Variants in TMEM132B observed in about 807,000 individuals in gnomAD.
TMEM132B encodes transmembrane protein 132B.
Under a neutral mutation model 90.8 loss-of-function variants are expected in TMEM132B, and 18 were observed. That is an observed-to-expected ratio of 0.20 (90% CI 0.14 to 0.29). TMEM132B has a LOEUF of 0.29. TMEM132B is among the 10% of genes least tolerant of loss of function. TMEM132B has a pLI of 1.00. For missense variants in TMEM132B, 1,096 were observed against 1,326.8 expected, an observed-to-expected ratio of 0.83 and a Z score of 2.70; for synonymous variants, 504 against 523.3, an observed-to-expected ratio of 0.96 and a Z score of 0.50.
intron 2 of TMEM132B, among the ~76,000 whole-genome samples, chr12:125,369,221 A>T (rs1593108466): frequency 6.6e-6 from 1 of 152,222 alleles, no homozygotes; most frequent in African/African-American, 2.4e-5. Context: ...TTATGGCTGC[A>T]TAGTATTCCA....
chr12:125,316,529 C>T (rs903326617), intron 1 of TMEM132B, among the ~76,000 whole-genome samples: 9 of 57,452 alleles, frequency 1.6e-4, no homozygotes, highest in African/African-American at 8.8e-4. Context: ...AGAAAGAGTA[C>T]AGAGAGGTCC....
At chr12:125,369,483 T>C (rs1878230123) in intron 2 of TMEM132B, among the ~76,000 whole-genome samples, 1 of 152,194 alleles carries the variant, frequency 6.6e-6, no homozygotes, top group African/African-American at 2.4e-5. Context: ...GGATGAGATT[T>C]TTTTCAGTAA....
At chr12:125,310,056 C>T (rs149921404) in intron 1 of TMEM132B, among the ~76,000 whole-genome samples, 26 of 152,250 alleles carry the variant, frequency 1.7e-4, no homozygotes, top group African/African-American at 5.5e-4. Context: ...CAAGGGTGAG[C>T]GTCCCAAGAG....
At chr12:125,621,611 T>C (rs984722842) in intron 5 of TMEM132B, among the ~76,000 whole-genome samples, 5 of 152,152 alleles carry the variant, frequency 3.3e-5, no homozygotes, top group East Asian at 1.9e-4. Flanking sequence ...ATCCCAGCAC[T>C]CCTTCATGCT....
At chr12:125,503,858 T>C (rs1882760924) in intron 3 of TMEM132B, among the ~76,000 whole-genome samples, 1 of 152,216 alleles carries the variant, frequency 6.6e-6, no homozygotes, top group South Asian at 2.1e-4. Context: ...CTCAGTTCTG[T>C]GTAAAGAATT....
chr12:125,416,619 C>T (rs1379716639), intron 3 of TMEM132B, among the ~76,000 whole-genome samples: 5 of 152,244 alleles, frequency 3.3e-5, no homozygotes, highest in African/African-American at 2.4e-5. Context: ...TGCTGGCAAG[C>T]GCTGTCTCTT....
intron 1 of TMEM132B, among the ~76,000 whole-genome samples, chr12:125,199,404 G>A (rs1207393560): frequency 1.3e-5 from 2 of 152,134 alleles, no homozygotes; most frequent in Non-Finnish European, 2.9e-5. Context: ...GGGTTCCTGG[G>A]TCCCTGTTGG....
intron 5 of TMEM132B, among the ~76,000 whole-genome samples, chr12:125,628,753 G>T (rs1169913378): frequency 6.6e-6 from 1 of 152,124 alleles, no homozygotes; most frequent in Non-Finnish European, 1.5e-5. Context: ...ATTCCCTAAT[G>T]TTTTCTTGCA....
intron 4 of TMEM132B, among the ~76,000 whole-genome samples, chr12:125,535,896 A>C (rs1883782295): frequency 6.6e-6 from 1 of 152,216 alleles, no homozygotes; most frequent in African/African-American, 2.4e-5. Context: ...AGGCGGCTGA[A>C]CACAGTCTAC....
intron 4 of TMEM132B, among the ~76,000 whole-genome samples, chr12:125,575,071 TATATATA>T (rs1884908113): frequency 9.2e-6 from 1 of 108,350 alleles, no homozygotes; most frequent in African/African-American, 3.0e-5. Context: ...TATATATATA[TATATATA>T]TATATTCAGG....
At chr12:125,488,617 T>C (rs879763607) in intron 3 of TMEM132B, among the ~76,000 whole-genome samples, 2 of 152,232 alleles carry the variant, frequency 1.3e-5, no homozygotes, top group Admixed American at 6.5e-5. Context: ...CTTTGCCTCC[T>C]GCCATGATTG....
chr12:125,654,143 C>T lies in TMEM132B; in HGVS notation c.2685C>T (p.Thr895=), dbSNP rs776546735. Residue 895 remains threonine (T), a synonymous_variant, in exon 9 of 9, where the codon ACC becomes ACT. Transcript: ENST00000682704. The surrounding 1 kb of genome is among the most constrained non-coding windows in gnomAD (Gnocchi z 5.8). Reference sequence around the variant, plus strand: ...ATAATCCTAGTGACCTCACAGTGACCTCAAGGGGGCTAACGGACTTGGAGA... The same window carrying T: ...ATAATCCTAGTGACCTCACAGTGACTTCAAGGGGGCTAACGGACTTGGAGA... ...DPNNPSDLTV[T]SRGLTDLEIG... 5 of 1,614,106 alleles carry T rather than the reference C, an allele frequency of 3.1e-6. No individual in the cohort carries two copies. The highest frequency in any genetic ancestry group is 4.2e-6 in the Non-Finnish European group (5 of 1,180,046).
chr12:125,612,709 C>G (rs1885866141), intron 5 of TMEM132B, among the ~76,000 whole-genome samples: 1 of 143,274 alleles, frequency 7.0e-6, no homozygotes, highest in African/African-American at 2.5e-5. Flanking sequence ...TGTAGCCACT[C>G]TGGCTTTCTT....
intron 3 of TMEM132B, among the ~76,000 whole-genome samples, chr12:125,420,419 C>T (rs980939686): frequency 6.6e-6 from 1 of 152,228 alleles, no homozygotes; most frequent in African/African-American, 2.4e-5. Context: ...GGCTGGCACC[C>T]TCTGAAGCCA....
At chr12:125,601,688 GA>G (rs1885574998) in intron 5 of TMEM132B, among the ~76,000 whole-genome samples, 1 of 151,810 alleles carries the variant, frequency 6.6e-6, no homozygotes, top group Admixed American at 6.6e-5. Context: ...CTCGATTTTT[GA>G]AAAAATTAAA....
chr12:125,428,334 T>A (rs772590241), intron 3 of TMEM132B, among the ~76,000 whole-genome samples: 1 of 152,180 alleles, frequency 6.6e-6, no homozygotes, highest in Admixed American at 6.5e-5. Flanking sequence ...TGGTATTTTT[T>A]AGAAACCCGG....
chr12:125,301,000 T>C (rs969698993), intron 1 of TMEM132B: 1 of 152,112 alleles, frequency 6.6e-6, no homozygotes, highest in Admixed American at 6.5e-5. Flanking sequence ...TTGCCTCCAT[T>C]GCTACGTGAC....
Position 125,326,823 on chromosome 12 carries a change from C to G in TMEM132B, c.68-22629C>G, listed in dbSNP as rs559705316. ...TTCTCCGTGCACCCCTTCCTCTTGTCCTGCTCACTCATTGTGCTTCTTGCC... is the reference window on the plus strand; with the variant it reads ...TTCTCCGTGCACCCCTTCCTCTTGTGCTGCTCACTCATTGTGCTTCTTGCC... On this transcript the variant is annotated intron_variant, in intron 1 of 8. Coordinates refer to ENST00000682704, the MANE Select transcript of TMEM132B (RefSeq NM_001366854.1). 1.4e-4 allele frequency: 108 copies of G among 770,968 alleles called. 1 individual carries two copies. The highest frequency in any genetic ancestry group is 4.3e-4 in the Admixed American group (15 of 34,576). The allele number at this position is 770,968 out of a possible 1,614,324, so 47.8% of individuals were successfully genotyped here. A position where few individuals can be genotyped will look rare whatever the true frequency, so the allele number is the denominator to read the frequency against.
At chr12:125,620,392 C>A (rs1426510198) in intron 5 of TMEM132B, among the ~76,000 whole-genome samples, 1 of 152,120 alleles carries the variant, frequency 6.6e-6, no homozygotes, top group Non-Finnish European at 1.5e-5. Context: ...GCCAGTCATG[C>A]CTATGAAAGT....
Sources: allele counts gnomAD v4.1 joint callset (sites outside exome capture counted in the v4.1 genomes callset), GRCh38; gene constraint gnomAD v4.1.1; non-coding constraint Gnocchi (gnomAD v3.1); transcripts MANE v1.5; gene names NCBI Gene and HGNC (gene_info 2026-07-23, HGNC 2026-07-21).